CHKA: variants seen among roughly 807,000 people sequenced by gnomAD.
CHKA encodes the protein choline kinase alpha, also known as CHETK-alpha.
In CHKA, 34 loss-of-function variants were observed where a neutral mutation model predicts 60.1. The ratio of observed to expected loss-of-function variants is 0.57; its 90% confidence interval spans 0.43 to 0.75. The LOEUF (loss-of-function observed/expected upper bound fraction) is 0.75, where lower values mean the gene tolerates loss of function less well. Among genes scored for constraint, CHKA ranks in the 30% least tolerant of loss-of-function variants. The pLI, the probability that CHKA is intolerant of heterozygous loss-of-function variation, is 0.00. For missense variants in CHKA, 563 were observed against 561.3 expected (o/e 1.00, Z -0.03); for synonymous variants, 217 against 223.1 (o/e 0.97, Z 0.24).
Position 68,070,782 on chromosome 11 carries a change from G to A in CHKA, c.706C>T (p.His236Tyr). The change falls in exon 5 of 12, where the codon CAT becomes TAT. Residue 236 changes from histidine to tyrosine, a missense_variant. By Grantham distance (83) the His-to-Tyr change is moderately conservative (BLOSUM62 2). Transcript: ENST00000265689. ...TTATTGAATGGCATTTTCATACCAT[G>A]AAATGTAGCCATTTTCTCGGCGATT... is the stretch of plus-strand genomic sequence containing the variant. ...AEIAEKMATF[H>Y]GMKMPFNKEP... The A allele has an allele frequency of 6.2e-7, 1 of 1,613,302 alleles. No homozygotes were observed. Among genetic ancestry groups the A allele is most frequent in the Non-Finnish European group, 8.5e-7 (1 of 1,179,312 alleles).
At chr11:68,116,992 G>A (rs978667571) in intron 1 of CHKA, among the ~76,000 whole-genome samples, 1 of 152,144 alleles carries the variant, frequency 6.6e-6, no homozygotes, top group African/African-American at 2.4e-5. Context: ...GTTCCGGTGT[G>A]CCAGGCACTA....
Position 68,095,724 on chromosome 11 carries a change from AAAAAAAAAAAC to A in CHKA, c.462+1284_462+1294del, listed in dbSNP as rs1200516035. Among the ~76,000 whole-genome samples the A allele has an allele frequency of 6.3e-5, 9 of 142,878 alleles. 1 individual carries two copies. The South Asian group carries it at 6.8e-4, about 11-fold the overall frequency. 93.7% of individuals were successfully genotyped at this position (142,878 alleles called of 152,430 possible). On this transcript the variant is annotated intron_variant, in intron 2 of 11. Transcript: ENST00000265689. Reference sequence around the variant, plus strand: ...ACTCCGTCGCAAAAAAAAAAAAAAAAAAAAAAAAAACAACAGGTATCAAAATCCTACCACAG... The same window carrying A: ...ACTCCGTCGCAAAAAAAAAAAAAAAAAACAGGTATCAAAATCCTACCACAG...
chr11:68,109,844 CG>C (rs563721933), intron 1 of CHKA, among the ~76,000 whole-genome samples: 16 of 152,042 alleles, frequency 1.1e-4, no homozygotes, highest in Non-Finnish European at 1.9e-4. Context: ...CCCAGCTACT[CG>C]GGTGACTGAG....
intron 2 of CHKA, 80 bp from the exon 3 acceptor site, chr11:68,081,537 T>A (rs1856988454): frequency 1.7e-6 from 2 of 1,149,726 alleles, no homozygotes; most frequent in African/African-American, 1.5e-5. Context: ...ACCAGAACAG[T>A]CAGGGTTTAC....
At position 68,068,887 on chromosome 11, in the gene CHKA, C is replaced by A. The variant is rs1856528526; in HGVS notation, c.920G>T (p.Cys307Phe). The A allele has an allele frequency of 6.2e-7, 1 of 1,610,636 alleles. No individual in the cohort carries two copies. The highest frequency in any genetic ancestry group is 1.3e-5 in the African/African-American group (1 of 74,988). The change falls in exon 7 of 12, where the codon TGT becomes TTT. Residue 307 changes from cysteine to phenylalanine, a missense_variant. Physicochemically the swap from Cys to Phe is radical, Grantham distance 205. Transcript: ENST00000265689. The part of the protein sequence containing the change: ...PSPVVFCHND[C>F]QEGNILLLEG... ...AACATAGCAATTCTTACCTTCTTGA[C>A]AGTCATTATGACAAAATACAACTGG...
intron 1 of CHKA, among the ~76,000 whole-genome samples, chr11:68,110,428 A>C (rs1188067450): frequency 6.6e-6 from 1 of 152,200 alleles, no homozygotes; most frequent in Non-Finnish European, 1.5e-5. Flanking sequence ...TAATACATAA[A>C]AGTCAACCAG....
chr11:68,118,673 C>G (rs1029883526), intron 1 of CHKA, among the ~76,000 whole-genome samples: 1 of 152,194 alleles, frequency 6.6e-6, no homozygotes. Flanking sequence ...TCCATAACTA[C>G]GTTCTCTTTC....
chr11:68,091,779 GTTATT>G (rs894664614), intron 2 of CHKA, among the ~76,000 whole-genome samples: 2 of 152,154 alleles, frequency 1.3e-5, no homozygotes, highest in Non-Finnish European at 2.9e-5. Context: ...GAATCATCTA[GTTATT>G]TTAAACCAAG....
intron 1 of CHKA, among the ~76,000 whole-genome samples, chr11:68,120,502 T>C (rs1322404234): frequency 6.6e-6 from 1 of 152,238 alleles, no homozygotes; most frequent in Non-Finnish European, 1.5e-5. Flanking sequence ...TTTCTAGACC[T>C]ATCTTAAGCG....
chr11:68,115,950 A>C (rs1474417321), intron 1 of CHKA, among the ~76,000 whole-genome samples: 1 of 152,190 alleles, frequency 6.6e-6, no homozygotes, highest in African/African-American at 2.4e-5. Flanking sequence ...CAATTTTTCC[A>C]AAAAAATTAT....
At chr11:68,064,978 A>G (rs1235377211) in intron 9 of CHKA, among the ~76,000 whole-genome samples, 1 of 152,242 alleles carries the variant, frequency 6.6e-6, no homozygotes, top group Non-Finnish European at 1.5e-5. Context: ...CCAAGGTTTC[A>G]GTGCTGGGCT....
chr11:68,068,778 C>G (rs1000048065), intron 7 of CHKA, 101 bp downstream of exon 7: 1 of 750,068 alleles, frequency 1.3e-6, no homozygotes, highest in Non-Finnish European at 2.3e-6. Flanking sequence ...TTTAATGTAC[C>G]TAATACTCTT....
At chr11:68,078,157 C>G (rs1856853051) in intron 3 of CHKA, among the ~76,000 whole-genome samples, 1 of 152,150 alleles carries the variant, frequency 6.6e-6, no homozygotes, top group Non-Finnish European at 1.5e-5. Flanking sequence ...GCATACACCC[C>G]CAAAACAAAC....
intron 1 of CHKA, among the ~76,000 whole-genome samples, chr11:68,099,049 A>G (rs2153024696): frequency 6.6e-6 from 1 of 152,352 alleles, no homozygotes; most frequent in Admixed American, 6.5e-5. Flanking sequence ...ACTTAAAAAC[A>G]TTATGCTAAG....
At chr11:68,067,273 C>T (rs2134524574) in intron 7 of CHKA, among the ~76,000 whole-genome samples, 1 of 152,300 alleles carries the variant, frequency 6.6e-6, no homozygotes, top group African/African-American at 2.4e-5. Flanking sequence ...GGCTCTTCAG[C>T]ATACTTTTTC....
chr11:68,101,189 C>G (rs1030997259), intron 1 of CHKA, among the ~76,000 whole-genome samples: 1 of 152,032 alleles, frequency 6.6e-6, no homozygotes, highest in Non-Finnish European at 1.5e-5. Context: ...ACCTCATGAT[C>G]TACCTGTCTC....
chr11:68,065,408 T>C (rs1324986920), intron 9 of CHKA, among the ~76,000 whole-genome samples: 1 of 152,182 alleles, frequency 6.6e-6, no homozygotes, highest in Non-Finnish European at 1.5e-5. Flanking sequence ...TCTTTAAAAA[T>C]GAAGATGTAG....
intron 1 of CHKA, among the ~76,000 whole-genome samples, chr11:68,116,557 CA>C (rs573618684): frequency 2.3e-3 from 330 of 141,754 alleles, no homozygotes; most frequent in Non-Finnish European, 3.4e-3. Context: ...CTAAAGATAC[CA>C]AAAAAAAAAA....
At chr11:68,066,396 T>G (rs766451248) in intron 8 of CHKA, 33 bp downstream of exon 8, 2 of 1,481,686 alleles carry the variant, frequency 1.3e-6, no homozygotes, top group African/African-American at 2.8e-5. Context: ...TAAATCAATA[T>G]TGAGATGGAA....
Sources: allele counts gnomAD v4.1 joint callset (sites outside exome capture counted in the v4.1 genomes callset), GRCh38; gene constraint gnomAD v4.1.1; transcripts MANE v1.5; gene names NCBI Gene and HGNC (gene_info 2026-07-23, HGNC 2026-07-21).